Variants in PCDHGB5 observed in about 807,000 individuals in gnomAD.
PCDHGB5 encodes the protein protocadherin gamma-B5.
PCDHGB5 carries 48 observed loss-of-function variants against 62.9 expected under a neutral mutation model. The ratio of observed to expected loss-of-function variants is 0.76; its 90% CI spans 0.61 to 0.97. The LOEUF (loss-of-function observed/expected upper bound fraction) is 0.97. PCDHGB5 is among the 50% of genes least tolerant of loss of function. The probability of loss-of-function intolerance (pLI) is 0.00; values close to 1 mark genes in which losing one functional copy is unlikely to be tolerated. For synonymous variants in PCDHGB5, 474 were observed against 511.2 expected (o/e 0.93, Z 0.98); for missense variants, 1,118 against 1,198.6 (o/e 0.93, Z 0.99).
rs1446432461 is a variant in PCDHGB5, at chr5:141,511,005, C to G, written c.2604C>G (p.Ala868=). 6.2e-7 allele frequency: 1 copy of G among 1,614,176 alleles called. No individual in the cohort carries two copies. Among genetic ancestry groups the G allele is most frequent in the Middle Eastern group, 1.6e-4 (1 of 6,062 alleles). ...GGGAGTMGLS[A]RYGPQFTLQH... is the part of the protein sequence containing the mutation. ...GTGCCGGCACCATGGGATTGAGCGC[C>G]CGCTACGGACCCCAGTTCACCCTGC... Residue 868 remains alanine, a synonymous_variant, in exon 4 of 4, where the codon GCC becomes GCG. Coordinates refer to ENST00000617380, the MANE Select transcript of PCDHGB5 (RefSeq NM_018925.3).
At position 141,410,196 on chromosome 5, in the gene PCDHGB5, C is replaced by A. The variant is rs773310778; in HGVS notation, c.2397+9672C>A. 7.4e-6 allele frequency: 12 copies of A among 1,613,866 alleles called. No individual in the cohort carries two copies. In the South Asian group the frequency reaches 1.2e-4, roughly 16 times the overall value. On this transcript the variant is annotated intron_variant, in intron 1 of 3. Transcript: ENST00000617380. ...ACCGCCACGCTTCATCTGGTCTTCG[C>A]AGACAACTTGCAAGAGATACTGCCA... is the stretch of plus-strand genomic sequence containing the variant.
chr5:141,493,338 A>G lies in PCDHGB5; in HGVS notation c.2398-1469A>G, dbSNP rs773870729. Among the ~76,000 whole-genome samples the G allele has an allele frequency of 6.6e-6, 1 of 152,162 alleles. No individual in the cohort carries two copies. The highest frequency in any genetic ancestry group is 1.5e-5 in the Non-Finnish European group (1 of 68,028). On this transcript the variant is annotated intron_variant, in intron 1 of 3. Transcript: ENST00000617380. This position sits in a 1 kb window ranked among gnomAD's most constrained non-coding sequence, Gnocchi z 4.3. ...GATTCTAACCCCTGTCTAACTCCAG[A>G]ATGTGTGCTTTTAATTTCTTGGCAC...
At chr5:141,434,331 T>C (rs1271938024) in intron 1 of PCDHGB5, among the ~76,000 whole-genome samples, 3 of 152,186 alleles carry the variant, frequency 2.0e-5, no homozygotes, top group Non-Finnish European at 4.4e-5. Context: ...GCTTGTCTCT[T>C]TGTGTCGGGA....
rs1246204844 is a variant in PCDHGB5, at chr5:141,419,493, A to T, written c.2397+18969A>T. On this transcript the variant is annotated intron_variant, in intron 1 of 3. Coordinates refer to ENST00000617380, the MANE Select transcript of PCDHGB5 (RefSeq NM_018925.3). ...CAGGGCTCGCCCGCGCTCAGCGCCA[A>T]TGTGAGCCTGCGCGTGTTGGTGGGC... 3 of 1,612,264 alleles carry T rather than the reference A, an allele frequency of 1.9e-6. No individual in the cohort carries two copies. The African/African-American group carries it at 4.0e-5, about 22-fold the overall frequency.
Position 141,400,234 on chromosome 5 carries a change from G to A in PCDHGB5, c.2107G>A (p.Val703Met), listed in dbSNP as rs749957043. 11 of 1,613,984 alleles carry A rather than the reference G, an allele frequency of 6.8e-6. No homozygotes were observed. The highest frequency in any genetic ancestry group is 6.7e-5 in the East Asian group (3 of 44,876). Residue 703 changes from valine to methionine, a missense_variant, in exon 1 of 4, where the codon GTG (valine) becomes ATG (methionine). This residue lies in a region of PCDHGB5 where 1,034 missense variants were observed against 1,029.1 expected (regional missense o/e 1.00). Coordinates refer to ENST00000617380, the MANE Select transcript of PCDHGB5 (RefSeq NM_018925.3). ...GATCTCAGTGCTCTTCCTCCTGGCC[G>A]TGATTCTGGCCGTTGCCTTGCGCCT... ...ALISVLFLLA[V>M]ILAVALRLRR... is the part of the protein sequence containing the mutation.
At chr5:141,414,629 G>A (rs2095766704) in intron 1 of PCDHGB5, 2 of 1,613,882 alleles carry the variant, frequency 1.2e-6, no homozygotes, top group Non-Finnish European at 1.7e-6. Context: ...GACCCGGACA[G>A]CAAAGAGAAT....
At position 141,410,538 on chromosome 5, in the gene PCDHGB5, T is replaced by C. The variant is rs373020361; in HGVS notation, c.2397+10014T>C. The C allele has an allele frequency of 5.6e-6, 9 of 1,613,830 alleles. No homozygotes were observed. The South Asian group carries it at 7.7e-5, about 14-fold the overall frequency. On this transcript the variant is annotated intron_variant, in intron 1 of 3. Transcript: ENST00000617380. ...GTGCCCCTACATTCCAATGAAGACA[T>C]GGTTTGCAGTGTTTCTCCTGGAGCC...
At position 141,405,211 on chromosome 5, in the gene PCDHGB5, T is replaced by G. The variant is rs756004707; in HGVS notation, c.2397+4687T>G. On this transcript the variant is annotated intron_variant, in intron 1 of 3. Coordinates refer to ENST00000617380, the MANE Select transcript of PCDHGB5 (RefSeq NM_018925.3). ...GGGTTCGAGCTTTCCTACAGACCTA[T>G]TCTCAGGAGTTCTCCCTCACCGCTG... The G allele has an allele frequency of 7.4e-6, 12 of 1,613,432 alleles. No homozygotes were observed. In the South Asian group the frequency reaches 1.2e-4, roughly 16 times the overall value.
intron 1 of PCDHGB5, chr5:141,418,408 A>G (rs2096253819): frequency 8.1e-6 from 13 of 1,614,032 alleles, no homozygotes; most frequent in Non-Finnish European, 1.1e-5. Flanking sequence ...TGGTGGAGAA[A>G]GACAATCCTG....
chr5:141,400,728 T>G (rs1293655070), intron 1 of PCDHGB5: 2 of 648,072 alleles, frequency 3.1e-6, no homozygotes, highest in Non-Finnish European at 5.2e-6. Flanking sequence ...ATTTACAAAG[T>G]AGTGAGAGTT....
At chr5:141,413,722 T>TCC (rs1330658153) in intron 1 of PCDHGB5, 1 of 1,613,450 alleles carries the variant, frequency 6.2e-7, no homozygotes. Context: ...TAAGCACTTC[T>TCC]CCCTAAGAGT....
intron 1 of PCDHGB5, chr5:141,415,733 T>C: frequency 7.1e-7 from 1 of 1,407,484 alleles, no homozygotes; most frequent in Non-Finnish European, 9.3e-7. Context: ...ATTTGATGTT[T>C]ATTAAGGTTT....
At position 141,398,705 on chromosome 5, in the gene PCDHGB5, A is replaced by G. The variant is rs778909536; in HGVS notation, c.578A>G (p.Glu193Gly). The G allele has an allele frequency of 6.2e-7, 1 of 1,613,874 alleles. No individual in the cohort carries two copies. Among genetic ancestry groups the G allele is most frequent in the Admixed American group, 1.7e-5 (1 of 60,026 alleles). ...AAACAGGATGGTAGTAAATACCCGGAACTGGCACTGGAGAAAACCTTAGAC... is the reference window on the plus strand; with the variant it reads ...AAACAGGATGGTAGTAAATACCCGGGACTGGCACTGGAGAAAACCTTAGAC... ...KEKQDGSKYP[E>G]LALEKTLDRE... Residue 193 changes from glutamate (E) to glycine (G), a missense_variant, in exon 1 of 4, where the codon GAA becomes GGA. Coordinates refer to ENST00000617380, the MANE Select transcript of PCDHGB5 (RefSeq NM_018925.3).
intron 1 of PCDHGB5, chr5:141,419,661 A>G (rs1363084793): frequency 2.5e-6 from 4 of 1,612,714 alleles, no homozygotes; most frequent in East Asian, 2.2e-5. Flanking sequence ...TCGGGGCACA[A>G]TGCCTGGCTG....
intron 1 of PCDHGB5, among the ~76,000 whole-genome samples, chr5:141,459,334 A>G (rs987526492): frequency 5.9e-5 from 9 of 152,116 alleles, no homozygotes; most frequent in Admixed American, 1.3e-4. Flanking sequence ...TTTTACTCCA[A>G]AGTTCTTGAA....
intron 3 of PCDHGB5, among the ~76,000 whole-genome samples, chr5:141,506,879 G>T (rs958969109): frequency 6.6e-6 from 1 of 152,172 alleles, no homozygotes; most frequent in Non-Finnish European, 1.5e-5. Flanking sequence ...AGAACCAGGT[G>T]AAATCACAAG....
intron 1 of PCDHGB5, among the ~76,000 whole-genome samples, chr5:141,492,762 T>C (rs917580804): frequency 2.6e-5 from 4 of 152,206 alleles, no homozygotes; most frequent in African/African-American, 9.6e-5. Flanking sequence ...GGGCTCCGCG[T>C]TGGGCGAGTG....
chr5:141,424,401 G>A (rs1167861346), intron 1 of PCDHGB5: 1 of 151,844 alleles, frequency 6.6e-6, no homozygotes, highest in Non-Finnish European at 1.5e-5. Flanking sequence ...CCATTACTAT[G>A]GTGAAGTTAC....
chr5:141,477,569 G>A lies in PCDHGB5; in HGVS notation c.2398-17238G>A. The A allele has an allele frequency of 6.2e-7, 1 of 1,614,104 alleles. No homozygotes were observed. Among genetic ancestry groups the A allele is most frequent in the Non-Finnish European group, 8.5e-7 (1 of 1,180,024 alleles). On this transcript the variant is annotated intron_variant, in intron 1 of 3. Coordinates refer to ENST00000617380, the MANE Select transcript of PCDHGB5 (RefSeq NM_018925.3). This position sits in a 1 kb window ranked among gnomAD's most constrained non-coding sequence, Gnocchi z 4.9. ...ACTAAACCTAAGTGTCTGGGACCCC[G>A]ACGCCCCGCAGAATGCTCGGCTTTC...
Sources: gnomAD v4.1 joint callset for allele counts (sites outside exome capture counted in the v4.1 genomes callset) on GRCh38, gnomAD v4.1.1 for gene constraint, gnomAD v4.1.1 regional missense constraint, Gnocchi (gnomAD v3.1) non-coding constraint, MANE v1.5 for transcripts, NCBI Gene and HGNC (gene_info 2026-07-23, HGNC 2026-07-21) for gene names.